Variants in SKI observed in about 807,000 individuals in gnomAD.
SKI encodes the protein ski oncogene.
A neutral mutation model predicts 59.3 loss-of-function variants in SKI; 23 were observed. The ratio of observed to expected loss-of-function variants is 0.39; its 90% CI spans 0.28 to 0.55. SKI has a LOEUF of 0.55. Among genes scored for constraint, SKI ranks in the 20% least tolerant of loss-of-function variants. The pLI is 0.67. For missense variants in SKI, 1,017 were observed against 1,038.9 expected (o/e 0.98, Z 0.29); for synonymous variants, 673 against 488.6 (o/e 1.38, Z -4.98).
At chr1:2,271,323 G>C (rs562692085) in intron 1 of SKI, among the ~76,000 whole-genome samples, 50 of 151,748 alleles carry the variant, frequency 3.3e-4, no homozygotes, top group South Asian at 4.2e-4. Flanking sequence ...GCCGCAGGGG[G>C]CTGCTCCCTG....
chr1:2,303,806 G>C lies in SKI; in HGVS notation c.1212-34G>C. ...TGTGTCTGGGTGGTGCTTGGGGACA[G>C]AGGCACCTTCCCGACACCCGCCTGC... On this transcript the variant is annotated intron_variant, in intron 3 of 6. Transcript: ENST00000378536. This position sits in a 1 kb window ranked among gnomAD's most constrained non-coding sequence, Gnocchi z 5.6. The C allele has an allele frequency of 6.2e-7, 1 of 1,610,438 alleles. No homozygotes were observed. Among genetic ancestry groups the C allele is most frequent in the South Asian group, 1.1e-5 (1 of 90,722 alleles).
intron 1 of SKI, among the ~76,000 whole-genome samples, chr1:2,265,603 C>T (rs1446143005): frequency 6.6e-6 from 1 of 152,102 alleles, no homozygotes; most frequent in Non-Finnish European, 1.5e-5. Flanking sequence ...TCATTGTGGT[C>T]CACATTTTCT....
intron 1 of SKI, among the ~76,000 whole-genome samples, chr1:2,252,488 T>C (rs1357664773): frequency 6.6e-6 from 1 of 152,156 alleles, no homozygotes; most frequent in Non-Finnish European, 1.5e-5. Context: ...TTTTGGCCTG[T>C]GGAAGGCTTT....
intron 1 of SKI, among the ~76,000 whole-genome samples, chr1:2,293,209 A>G (rs949310314): frequency 6.6e-6 from 1 of 152,200 alleles, no homozygotes; most frequent in African/African-American, 2.4e-5. Flanking sequence ...TCTGGCCACC[A>G]CAGGGCTTTT....
At position 2,267,152 on chromosome 1, in the gene SKI, C is replaced by T. The variant is rs1008955003; in HGVS notation, c.970-35826C>T. 2.0e-5 allele frequency among the ~76,000 whole-genome samples: 3 copies of T among 152,156 alleles called. No homozygotes were observed. Among genetic ancestry groups the T allele is most frequent in the African/African-American group, 7.2e-5 (3 of 41,422 alleles). ...ACAAAGTGCCATGATTTTGACTATT[C>T]AGGCGAGCAACTGCATCGAGCCAGC... On this transcript the variant is annotated intron_variant, in intron 1 of 6. Transcript: ENST00000378536. This position sits in a 1 kb window ranked among gnomAD's most constrained non-coding sequence, Gnocchi z 4.1.
At chr1:2,290,575 G>A (rs1223083142) in intron 1 of SKI, among the ~76,000 whole-genome samples, 1 of 152,188 alleles carries the variant, frequency 6.6e-6, no homozygotes, top group South Asian at 2.1e-4. Flanking sequence ...ACCTCATCAG[G>A]GGCTCCCCCA....
intron 1 of SKI, among the ~76,000 whole-genome samples, chr1:2,243,751 C>T (rs1242807962): frequency 6.6e-6 from 1 of 152,076 alleles, no homozygotes; most frequent in African/African-American, 2.4e-5. Context: ...GTAGACGTGG[C>T]AGGTCAGAGG....
At chr1:2,258,826 C>G (rs1033289798) in intron 1 of SKI, among the ~76,000 whole-genome samples, 1 of 152,146 alleles carries the variant, frequency 6.6e-6, no homozygotes, top group Admixed American at 6.6e-5. Flanking sequence ...GGATTACAGG[C>G]GTGAGCCACC....
intron 1 of SKI, among the ~76,000 whole-genome samples, chr1:2,283,694 G>A (rs1467942500): frequency 6.6e-6 from 1 of 152,218 alleles, no homozygotes; most frequent in African/African-American, 2.4e-5. Flanking sequence ...AGTGCATGTG[G>A]GGTGCTGGGG....
chr1:2,233,582 C>T (rs146182091), intron 1 of SKI, among the ~76,000 whole-genome samples: 4 of 152,126 alleles, frequency 2.6e-5, no homozygotes, highest in African/African-American at 4.8e-5. Flanking sequence ...GTGGAGGGTC[C>T]GCGACGGGGG....
intron 1 of SKI, among the ~76,000 whole-genome samples, chr1:2,271,384 A>C (rs1245046838): frequency 1.3e-5 from 2 of 151,976 alleles, no homozygotes; most frequent in Non-Finnish European, 2.9e-5. Flanking sequence ...GGTCCCCCAC[A>C]GGAGCCTGTT....
At chr1:2,298,948 T>C (rs778619093) in intron 1 of SKI, among the ~76,000 whole-genome samples, 2 of 152,088 alleles carry the variant, frequency 1.3e-5, no homozygotes, top group Non-Finnish European at 2.9e-5. Context: ...GGAGCTGCCT[T>C]CTCTAGTTGG....
Position 2,294,905 on chromosome 1 carries a change from G to A in SKI, c.970-8073G>A, listed in dbSNP as rs906778998. 4.6e-5 allele frequency among the ~76,000 whole-genome samples: 7 copies of A among 152,344 alleles called. No homozygotes were observed. In the East Asian group the frequency reaches 7.7e-4, roughly 17 times the overall value. ...CCCCTGTGCCTGGGTTGGAGGCCAC[G>A]CCCACCCAGTGGGGCCCCTCTGGAA... On this transcript the variant is annotated intron_variant, in intron 1 of 6. Transcript: ENST00000378536.
intron 1 of SKI, among the ~76,000 whole-genome samples, chr1:2,234,837 G>C (rs769977059): frequency 5.3e-5 from 8 of 152,172 alleles, no homozygotes; most frequent in Non-Finnish European, 1.2e-4. Context: ...TAATATCTGG[G>C]AGAGCTGGAA....
intron 1 of SKI, among the ~76,000 whole-genome samples, chr1:2,255,130 A>G (rs1451070918): frequency 2.0e-5 from 3 of 152,150 alleles, no homozygotes; most frequent in African/African-American, 7.2e-5. Context: ...CAAAAGCTGA[A>G]TGATGACAGC....
At chr1:2,235,049 T>TA (rs1188414421) in intron 1 of SKI, among the ~76,000 whole-genome samples, 1 of 150,542 alleles carries the variant, frequency 6.6e-6, no homozygotes, top group Non-Finnish European at 1.5e-5. Context: ...GTTGTTATTT[T>TA]TTTTTTTTTT....
At chr1:2,285,071 C>T (rs1640007690) in intron 1 of SKI, among the ~76,000 whole-genome samples, 1 of 152,094 alleles carries the variant, frequency 6.6e-6, no homozygotes, top group African/African-American at 2.4e-5. Flanking sequence ...GCAGTCGTGG[C>T]CAGGGTCAGA....
chr1:2,249,555 C>T (rs370815485), intron 1 of SKI, among the ~76,000 whole-genome samples: 3 of 152,266 alleles, frequency 2.0e-5, no homozygotes, highest in South Asian at 2.1e-4. Flanking sequence ...GATTCTTATT[C>T]GGAAGAGATG....
rs771711141 is a variant in SKI at position 2,298,473 on chromosome 1, C to T, written c.970-4505C>T. Among the ~76,000 whole-genome samples, 202 of 152,194 alleles carry T rather than the reference C, an allele frequency of 1.3e-3. 1 individual carries two copies. The highest frequency in any genetic ancestry group is 1.4e-3 in the Non-Finnish European group (95 of 68,026). On this transcript the variant is annotated intron_variant, in intron 1 of 6. Transcript: ENST00000378536. The stretch of plus-strand genomic sequence containing the variant: ...TGCTCAGGATGGTCTGGGGTGTGGC[C>T]GTGGCCTGTCCCCGGGCCGGATGGC...
Sources: gnomAD v4.1 joint callset for allele counts (sites outside exome capture counted in the v4.1 genomes callset) on GRCh38, gnomAD v4.1.1 for gene constraint, Gnocchi (gnomAD v3.1) non-coding constraint, MANE v1.5 for transcripts, NCBI Gene and HGNC (gene_info 2026-07-23, HGNC 2026-07-21) for gene names.